The following KCNQ5 variants were observed in gnomAD, a reference collection of about 807,000 sequenced individuals.
KCNQ5 encodes the protein potassium voltage-gated channel subfamily KQT member 5.
KCNQ5 carries 30 observed loss-of-function variants against 98.2 expected under a neutral mutation model. That is an observed-to-expected ratio of 0.31 (90% CI 0.23 to 0.41). The LOEUF (loss-of-function observed/expected upper bound fraction) is 0.41. Ranked by LOEUF, KCNQ5 falls within the 10% of genes least tolerant of loss-of-function variation. KCNQ5 has a pLI of 1.00. For missense variants in KCNQ5, 835 were observed against 1,182.5 expected, an observed-to-expected ratio of 0.71 and a Z score of 4.31; for synonymous variants, 458 against 449.4, an observed-to-expected ratio of 1.02 and a Z score of -0.24.
chr6:72,835,380 T>A (rs1005660927), intron 1 of KCNQ5, among the ~76,000 whole-genome samples: 3 of 152,150 alleles, frequency 2.0e-5, no homozygotes, highest in Non-Finnish European at 4.4e-5. Context: ...AAATATTGCA[T>A]CAATTATATT....
intron 5 of KCNQ5, among the ~76,000 whole-genome samples, chr6:73,093,941 A>T (rs1421964954): frequency 6.6e-6 from 1 of 152,126 alleles, no homozygotes; most frequent in Non-Finnish European, 1.5e-5. Flanking sequence ...GGTATAGTTT[A>T]AATCCATTGT....
intron 1 of KCNQ5, among the ~76,000 whole-genome samples, chr6:72,623,391 A>AGGGTGTGTGTGTGTGTGT (rs1554678872): frequency 7.0e-6 from 1 of 143,042 alleles, no homozygotes; most frequent in Non-Finnish European, 1.5e-5. Context: ...GGAGTCAAAG[A>AGGGTGTGTGTGTGTGTGT]GTGTGTGTGT....
At chr6:72,731,863 G>A (rs777390805) in intron 1 of KCNQ5, among the ~76,000 whole-genome samples, 5 of 152,142 alleles carry the variant, frequency 3.3e-5, no homozygotes, top group Non-Finnish European at 7.4e-5. Context: ...CTCCAAACAT[G>A]TTGAGAAGTG....
rs549405435 is a variant in KCNQ5, at chr6:72,727,024, G to A, written c.398+104437G>A. Among the ~76,000 whole-genome samples, 3 of 152,252 alleles carry A rather than the reference G, an allele frequency of 2.0e-5. No homozygotes were observed. The East Asian group carries it at 5.8e-4, about 29-fold the overall frequency. ...CATGCAGAGAAGTGATTTTTTTGTT[G>A]TTGAAATATAAGTCAGTTGGTTAAC... On this transcript the variant is annotated intron_variant, in intron 1 of 13. Coordinates refer to ENST00000370398, the MANE Select transcript of KCNQ5 (RefSeq NM_019842.4).
chr6:73,079,224 C>T (rs984910298), intron 5 of KCNQ5, among the ~76,000 whole-genome samples: 2 of 152,170 alleles, frequency 1.3e-5, no homozygotes, highest in South Asian at 4.1e-4. Context: ...ATCACTTAAG[C>T]CTGGCAGGTA....
intron 1 of KCNQ5, among the ~76,000 whole-genome samples, chr6:72,668,759 T>C (rs963748950): frequency 7.7e-5 from 11 of 143,392 alleles, no homozygotes; most frequent in South Asian, 2.5e-4. Context: ...CTCCCCACCA[T>C]GTGAGAACAT....
chr6:73,037,433 CTT>C (rs1771486770), intron 2 of KCNQ5, among the ~76,000 whole-genome samples: 2 of 152,082 alleles, frequency 1.3e-5, no homozygotes, highest in African/African-American at 2.4e-5. Flanking sequence ...ATTAAGAACT[CTT>C]TGCTTAGTCC....
intron 10 of KCNQ5, among the ~76,000 whole-genome samples, chr6:73,142,965 G>A (rs1017736180): frequency 3.3e-5 from 5 of 152,136 alleles, no homozygotes; most frequent in African/African-American, 1.2e-4. Context: ...GAACTAGTCA[G>A]TTGCAAAACC....
chr6:73,131,414 A>T (rs565662794), intron 9 of KCNQ5, among the ~76,000 whole-genome samples: 103 of 152,196 alleles, frequency 6.8e-4, no homozygotes, highest in African/African-American at 2.4e-3. Context: ...GTTCCAGAAA[A>T]GGTAATAGAT....
At chr6:72,949,734 C>A (rs1582072374) in intron 1 of KCNQ5, among the ~76,000 whole-genome samples, 1 of 152,160 alleles carries the variant, frequency 6.6e-6, no homozygotes, top group South Asian at 2.1e-4. Context: ...TAATAAATCA[C>A]TCTTTCCATT....
intron 1 of KCNQ5, among the ~76,000 whole-genome samples, chr6:72,884,336 C>G (rs548272849): frequency 2.6e-4 from 40 of 151,942 alleles, no homozygotes; most frequent in South Asian, 1.3e-3. Flanking sequence ...AGAGCCAAAA[C>G]CTTTTAAAGG....
intron 1 of KCNQ5, among the ~76,000 whole-genome samples, chr6:72,960,932 C>A: frequency 6.6e-6 from 1 of 152,150 alleles, no homozygotes; most frequent in Admixed American, 6.5e-5. Flanking sequence ...GAGCTGTGAT[C>A]ACATCAATAC....
intron 11 of KCNQ5, among the ~76,000 whole-genome samples, chr6:73,170,633 G>A (rs2150504639): frequency 6.6e-6 from 1 of 151,496 alleles, no homozygotes; most frequent in East Asian, 1.9e-4. Flanking sequence ...CTAGAAGAAA[G>A]TTAAAAATAT....
chr6:73,167,111 A>G (rs1777832189), intron 10 of KCNQ5, among the ~76,000 whole-genome samples: 1 of 152,196 alleles, frequency 6.6e-6, no homozygotes, highest in African/African-American at 2.4e-5. Context: ...TCATCAAACC[A>G]TGGGCACGAT....
At position 72,921,026 on chromosome 6, in the gene KCNQ5, A is replaced by G. The variant is rs538610208; in HGVS notation, c.399-82882A>G. Among the ~76,000 whole-genome samples the G allele has an allele frequency of 1.4e-3, 208 of 152,344 alleles. 2 individuals carry two copies. The highest frequency in any genetic ancestry group is 4.2e-3 in the African/African-American group (176 of 41,582). On this transcript the variant is annotated intron_variant, in intron 1 of 13. Coordinates refer to ENST00000370398, the MANE Select transcript of KCNQ5 (RefSeq NM_019842.4). ...ATGATATTAACCTTAGTAAACTCAA[A>G]GAATAGTGAAACAAAGCCCTGCCAG...
At chr6:72,882,829 A>G (rs947855092) in intron 1 of KCNQ5, among the ~76,000 whole-genome samples, 22 of 152,136 alleles carry the variant, frequency 1.4e-4, no homozygotes, top group African/African-American at 4.8e-5. Flanking sequence ...GCTGATTATG[A>G]GGTGATTTTC....
intron 1 of KCNQ5, among the ~76,000 whole-genome samples, chr6:72,697,283 A>G (rs1768550243): frequency 6.6e-6 from 1 of 152,136 alleles, no homozygotes; most frequent in Non-Finnish European, 1.5e-5. Context: ...CTTACCAATT[A>G]TGCACTTCTG....
intron 5 of KCNQ5, among the ~76,000 whole-genome samples, chr6:73,088,546 A>G (rs1170864614): frequency 1.3e-5 from 2 of 151,976 alleles, no homozygotes; most frequent in African/African-American, 4.8e-5. Context: ...CTTTCTGTGT[A>G]CCTTTTGTAA....
intron 11 of KCNQ5, among the ~76,000 whole-genome samples, chr6:73,187,385 A>G (rs996175931): frequency 1.3e-5 from 2 of 152,200 alleles, no homozygotes; most frequent in African/African-American, 4.8e-5. Flanking sequence ...TCTTAAAAGT[A>G]GTCAGTGCTT....
Sources: gnomAD v4.1 joint callset for allele counts (sites outside exome capture counted in the v4.1 genomes callset) on GRCh38, gnomAD v4.1.1 for gene constraint, MANE v1.5 for transcripts, NCBI Gene and HGNC (gene_info 2026-07-23, HGNC 2026-07-21) for gene names.